ZFAT: variants seen among roughly 807,000 people sequenced by gnomAD.
ZFAT encodes zinc finger protein ZFAT.
A neutral mutation model predicts 117.7 loss-of-function variants in ZFAT; 64 were observed. The ratio of observed to expected loss-of-function variants is 0.54; its 90% CI spans 0.44 to 0.67. The LOEUF (loss-of-function observed/expected upper bound fraction) is 0.67, where lower values mean the gene tolerates loss of function less well. Among genes scored for constraint, ZFAT ranks in the 30% least tolerant of loss-of-function variants. The pLI is 0.00. For missense variants in ZFAT, 1,433 were observed against 1,584.5 expected, an observed-to-expected ratio of 0.90 and a Z score of 1.62; for synonymous variants, 679 against 615.0, an observed-to-expected ratio of 1.10 and a Z score of -1.54.
rs149745390 is a variant in ZFAT at position 134,531,531 on chromosome 8, G to A, written c.3115+1303C>T. On this transcript the variant is annotated intron_variant, in intron 12 of 15. Coordinates refer to ENST00000377838, the MANE Select transcript of ZFAT (RefSeq NM_020863.4). The stretch of plus-strand genomic sequence containing the variant: ...TTTCCATTTAATCCTCTCCACCATC[G>A]TGGAAGATGGCTGCTGTGAACTCCA... 5.4e-3 allele frequency among the ~76,000 whole-genome samples: 829 copies of A among 152,284 alleles called. 7 individuals carry two copies. The highest frequency in any genetic ancestry group is 0.019 in the African/African-American group (792 of 41,550).
At chr8:134,627,153 C>T (rs550766861) in intron 3 of ZFAT, among the ~76,000 whole-genome samples, 50 of 152,262 alleles carry the variant, frequency 3.3e-4, no homozygotes, top group African/African-American at 9.9e-4. Context: ...GGAGGCCCAC[C>T]GGCAGGAAGC....
the ZFAT span, among the ~76,000 whole-genome samples, chr8:134,825,815 T>G: frequency 6.6e-6 from 1 of 151,926 alleles, no homozygotes; most frequent in African/African-American, 2.4e-5. Flanking sequence ...GGTCAGGAGA[T>G]CAAGACTATC....
chr8:134,745,018 G>A, the ZFAT span, among the ~76,000 whole-genome samples: 6 of 149,670 alleles, frequency 4.0e-5, no homozygotes, highest in African/African-American at 1.5e-4. Flanking sequence ...CGTAGCCACC[G>A]CGCCCGGCCA....
chr8:134,680,486 TA>T (rs533228761), intron 1 of ZFAT, among the ~76,000 whole-genome samples: 2 of 151,822 alleles, frequency 1.3e-5, no homozygotes, highest in Non-Finnish European at 1.5e-5. Context: ...GTACCTTTTT[TA>T]AAAAAAATGA....
Position 134,657,666 on chromosome 8 carries a change from CGT to C in ZFAT, c.89_90del (p.His30ArgfsTer11). ...CCTTCTTCCATGTGCTTCTCTGAAACGTGGGAGAGGAGTTCCGACTGATTTGG... is the reference window on the plus strand; with the variant it reads ...CCTTCTTCCATGTGCTTCTCTGAAACGGGAGAGGAGTTCCGACTGATTTGG... ...FSPNQSELLS[H>X]VSEKHMEEGV... On this transcript the variant is annotated frameshift_variant, in exon 2 of 16. Coordinates refer to ENST00000377838, the MANE Select transcript of ZFAT (RefSeq NM_020863.4). LOFTEE classifies it high-confidence loss of function. 6.2e-7 allele frequency: 1 copy of C among 1,613,894 alleles called. No homozygotes were observed. The highest frequency in any genetic ancestry group is 1.1e-5 in the South Asian group (1 of 91,066).
intron 10 of ZFAT, among the ~76,000 whole-genome samples, chr8:134,567,479 CCA>C: frequency 6.8e-6 from 1 of 146,352 alleles, no homozygotes; most frequent in Non-Finnish European, 1.5e-5. Flanking sequence ...ATCCATCCAT[CCA>C]TCCATCCATC....
intron 1 of ZFAT, among the ~76,000 whole-genome samples, chr8:134,660,993 C>G (rs1357675925): frequency 1.3e-5 from 2 of 152,242 alleles, no homozygotes; most frequent in Admixed American, 1.3e-4. Context: ...GAAACTGGAC[C>G]TGGAGCTCCC....
intron 7 of ZFAT, chr8:134,599,469 A>G (rs372899319): frequency 3.4e-5 from 9 of 265,640 alleles, no homozygotes; most frequent in Non-Finnish European, 1.5e-5. Context: ...AGGCTATTTC[A>G]TACAGGTCTC....
chr8:134,797,714 T>C, the ZFAT span: 1 of 151,870 alleles, frequency 6.6e-6, no homozygotes, highest in African/African-American at 2.4e-5. Flanking sequence ...TTCATAAAAG[T>C]TAAAGAAAGT....
chr8:134,712,810 C>T lies in ZFAT; in HGVS notation c.19+35G>A, dbSNP rs768082191. On this transcript the variant is annotated intron_variant, in intron 1 of 15. Transcript: ENST00000377838. ...CGCGCGCCGCGCCGCGCCCCACCCC[C>T]ACCCCGTCTCACCCCAACCCCCAGC... 1.1e-5 allele frequency: 11 copies of T among 1,024,430 alleles called. 1 individual carries two copies. The highest frequency in any genetic ancestry group is 3.4e-5 in the African/African-American group (2 of 58,422). 63.5% of individuals were successfully genotyped at this position (1,024,430 alleles called of 1,614,324 possible).
Position 134,600,678 on chromosome 8 carries a change from T to C in ZFAT, c.2243-10A>G, listed in dbSNP as rs1827353380. ...TACCAAAAAAGTTTGCCTAAAAAAA[T>C]ATTTTCACATGAGAACAAGGAAGTT... On this transcript the variant is annotated splice_polypyrimidine_tract_variant and intron_variant, in intron 6 of 15. Coordinates refer to ENST00000377838, the MANE Select transcript of ZFAT (RefSeq NM_020863.4). 1 of 1,564,792 alleles carries C rather than the reference T, an allele frequency of 6.4e-7. No homozygotes were observed.
chr8:134,529,881 C>G (rs1419430831), intron 12 of ZFAT, among the ~76,000 whole-genome samples: 1 of 152,226 alleles, frequency 6.6e-6, no homozygotes, highest in Non-Finnish European at 1.5e-5. Flanking sequence ...TGGGAACACA[C>G]TGTAAACCAC....
At chr8:134,637,411 T>C in intron 3 of ZFAT, 50 bp downstream of exon 3, 1 of 1,571,572 alleles carries the variant, frequency 6.4e-7, no homozygotes. Context: ...TATTAGCAGA[T>C]ACACCTCTTC....
chr8:134,822,023 G>A, the ZFAT span, among the ~76,000 whole-genome samples: 44 of 152,220 alleles, frequency 2.9e-4, no homozygotes, highest in Non-Finnish European at 5.3e-4. Context: ...TAGATACAGC[G>A]TCTTGGGTTT....
intron 9 of ZFAT, among the ~76,000 whole-genome samples, chr8:134,585,159 C>T (rs1825980828): frequency 6.6e-6 from 1 of 152,150 alleles, no homozygotes; most frequent in Non-Finnish European, 1.5e-5. Context: ...GCACCAGATC[C>T]CTCGTTCTGG....
the ZFAT span, among the ~76,000 whole-genome samples, chr8:134,774,672 C>A: frequency 6.6e-6 from 1 of 152,180 alleles, no homozygotes; most frequent in Non-Finnish European, 1.5e-5. Context: ...AAAAACTTGA[C>A]CTTCTTTATT....
At chr8:134,727,753 C>T in the ZFAT span, among the ~76,000 whole-genome samples, 1 of 152,048 alleles carries the variant, frequency 6.6e-6, no homozygotes, top group Admixed American at 6.6e-5. Flanking sequence ...AGGGTGTCTA[C>T]TGAAGCTACT....
In ZFAT at chr8:134,507,033, T is replaced by A. The variant is rs1266179985; in HGVS notation, c.3492+2586A>T. On this transcript the variant is annotated intron_variant, in intron 15 of 15. Coordinates refer to ENST00000377838, the MANE Select transcript of ZFAT (RefSeq NM_020863.4). ...TTTTTTAAGCAACTACTATGTGTGATGTCTTGGGTTTGAGCAAGAGAAAGC... is the reference window on the plus strand; with the variant it reads ...TTTTTTAAGCAACTACTATGTGTGAAGTCTTGGGTTTGAGCAAGAGAAAGC... Among the ~76,000 whole-genome samples the A allele has an allele frequency of 2.6e-5, 4 of 152,328 alleles. No homozygotes were observed. In the South Asian group the frequency reaches 8.3e-4, roughly 32 times the overall value.
At chr8:134,680,574 T>G (rs550293134) in intron 1 of ZFAT, among the ~76,000 whole-genome samples, 2 of 152,216 alleles carry the variant, frequency 1.3e-5, no homozygotes, top group South Asian at 4.1e-4. Context: ...CAAACAGTGC[T>G]GCATCTTGAC....
Sources: gnomAD v4.1 joint callset for allele counts (sites outside exome capture counted in the v4.1 genomes callset) on GRCh38, gnomAD v4.1.1 for gene constraint, MANE v1.5 for transcripts, NCBI Gene and HGNC (gene_info 2026-07-23, HGNC 2026-07-21) for gene names.